The following VWCE variants were observed in gnomAD, a reference collection of about 807,000 sequenced individuals.
VWCE encodes the protein von Willebrand factor C and EGF domains, also known as von Willebrand factor C and EGF domain-containing protein.
Under a neutral mutation model 102.9 loss-of-function variants are expected in VWCE, and 68 were observed. The observed-to-expected ratio is 0.66, with a 90% CI of 0.54 to 0.81. The LOEUF (loss-of-function observed/expected upper bound fraction) is 0.81, where lower values mean the gene tolerates loss of function less well. Ranked by LOEUF, VWCE falls within the 30% of genes least tolerant of loss-of-function variation. VWCE has a pLI of 0.00. For synonymous variants in VWCE, 497 were observed against 515.4 expected (o/e 0.96, Z 0.48); for missense variants, 1,137 against 1,263.6 (o/e 0.90, Z 1.52).
chr11:61,259,689 G>A (rs1037456918), intron 19 of VWCE, among the ~76,000 whole-genome samples: 5 of 152,174 alleles, frequency 3.3e-5, no homozygotes, highest in Non-Finnish European at 7.3e-5. Context: ...TAGGATCACC[G>A]ATTATAACAA....
In VWCE at chr11:61,290,797, A is replaced by T. The variant is rs761083184; in HGVS notation, c.424+2T>A. Reference sequence around the variant, plus strand: ...CTCCCCCACCACTCCCAGGCGTCTCACCTGTACACCTGATGCCAACAGCTG... The same window carrying T: ...CTCCCCCACCACTCCCAGGCGTCTCTCCTGTACACCTGATGCCAACAGCTG... On this transcript the variant is annotated splice_donor_variant, in intron 4 of 19. Coordinates refer to ENST00000335613, the MANE Select transcript of VWCE (RefSeq NM_152718.2). LOFTEE classifies it high-confidence loss of function. 2 of 1,589,316 alleles carry T rather than the reference A, an allele frequency of 1.3e-6. No homozygotes were observed. The highest frequency in any genetic ancestry group is 3.5e-5 in the Admixed American group (2 of 56,912).
chr11:61,294,932 C>T lies in VWCE; in HGVS notation c.106G>A (p.Glu36Lys). 4.2e-6 allele frequency: 6 copies of T among 1,429,692 alleles called. No homozygotes were observed. The highest frequency in any genetic ancestry group is 4.1e-5 in the South Asian group (3 of 72,588). 88.6% of individuals were successfully genotyped at this position (1,429,692 alleles called of 1,614,324 possible). A position where few individuals can be genotyped will look rare whatever the true frequency, so the allele number is the denominator to read the frequency against. ...GRKPPGHFAA[E>K]RRRLGPHVCL... ...GGAGGAGCTCCGGGCGCTTACCTCTCGGCCGCGAAGTGCCCGGGCGGCTTC... is the reference window on the plus strand; with the variant it reads ...GGAGGAGCTCCGGGCGCTTACCTCTTGGCCGCGAAGTGCCCGGGCGGCTTC... Residue 36 changes from glutamate to lysine, a missense_variant, in exon 1 of 20, where the codon GAG (glutamate) becomes AAG (lysine). Physicochemically the swap from Glu to Lys is moderately conservative, Grantham distance 56. This residue lies in a region of VWCE where 575 missense variants were observed against 625.9 expected (regional missense o/e 0.92). Transcript: ENST00000335613. This position sits in a 1 kb window ranked among gnomAD's most constrained non-coding sequence, Gnocchi z 6.3.
rs747777007 is a variant in VWCE at position 61,268,963 on chromosome 11, G to A, written c.1841C>T (p.Pro614Leu). The change falls in exon 15 of 20, where the codon CCG (proline) becomes CTG (leucine). Residue 614 changes from proline to leucine, a missense_variant. Transcript: ENST00000335613. ...GCAGCACTGTCCAGGGATCCGGATC[G>A]GGTGAGGGCAGGAGTCCACACAGTC... ...RTDCVDSCPH[P>L]IRIPGQCCPD... The A allele has an allele frequency of 1.1e-5, 18 of 1,614,136 alleles. No individual in the cohort carries two copies. The highest frequency in any genetic ancestry group is 1.7e-4 in the Middle Eastern group (1 of 6,060).
intron 14 of VWCE, among the ~76,000 whole-genome samples, chr11:61,270,437 T>C (rs920204014): frequency 6.6e-6 from 1 of 152,202 alleles, no homozygotes; most frequent in African/African-American, 2.4e-5. Flanking sequence ...TCGAAGCTCT[T>C]AAAGTAGAAA....
chr11:61,285,117 C>T (rs890780661), intron 5 of VWCE, among the ~76,000 whole-genome samples: 1 of 152,068 alleles, frequency 6.6e-6, no homozygotes, highest in Non-Finnish European at 1.5e-5. Flanking sequence ...GAATCAATGT[C>T]AGTGGTAGAA....
chr11:61,271,556 C>G (rs763415812), intron 14 of VWCE, 119 bp downstream of exon 14: 1 of 910,182 alleles, frequency 1.1e-6, no homozygotes, highest in Non-Finnish European at 1.7e-6. Context: ...CTTGACAGCA[C>G]CGGAGGGAGA....
At chr11:61,279,300 C>A (rs144808928) in intron 9 of VWCE, among the ~76,000 whole-genome samples, 161 of 152,062 alleles carry the variant, frequency 1.1e-3, no homozygotes, top group Non-Finnish European at 1.5e-3. Flanking sequence ...CCAGGCCCAG[C>A]GGCTCATGCC....
chr11:61,281,264 G>A, intron 7 of VWCE, 29 bp from the exon 8 acceptor site: 1 of 1,610,930 alleles, frequency 6.2e-7, no homozygotes, highest in East Asian at 2.2e-5. Context: ...GGTCTCTTGG[G>A]GTGGACAGCA....
chr11:61,280,575 A>C, intron 9 of VWCE, 49 bp downstream of exon 9: 1 of 1,586,142 alleles, frequency 6.3e-7, no homozygotes, highest in South Asian at 1.1e-5. Flanking sequence ...AGGAGGGTGC[A>C]GAGAAAGGAA....
rs538232012 is a variant in VWCE at position 61,281,907 on chromosome 11, G to A, written c.666C>T (p.Asn222=). The change falls in exon 7 of 20, where the codon AAC becomes AAT. Residue 222 remains asparagine (N), a synonymous_variant. Transcript: ENST00000335613. ...HGNRHSCVDV[N]ECRRPLERRV... ...GCCTCTCCAATGGCCTCCGACACTCGTTTACATCTGCGGGAGAGCCTCGCT... is the reference window on the plus strand; with the variant it reads ...GCCTCTCCAATGGCCTCCGACACTCATTTACATCTGCGGGAGAGCCTCGCT... The A allele has an allele frequency of 8.1e-6, 13 of 1,613,226 alleles. No individual in the cohort carries two copies. The South Asian group carries it at 1.4e-4, about 18-fold the overall frequency.
intron 13 of VWCE, among the ~76,000 whole-genome samples, chr11:61,272,286 A>C (rs1416072811): frequency 5.3e-5 from 8 of 152,130 alleles, no homozygotes; most frequent in Admixed American, 4.6e-4. Flanking sequence ...ACTTACATAC[A>C]CATACATATG....
chr11:61,260,656 C>A (rs1854327005), intron 19 of VWCE, among the ~76,000 whole-genome samples: 1 of 152,168 alleles, frequency 6.6e-6, no homozygotes, highest in African/African-American at 2.4e-5. Context: ...GCTGACCTTA[C>A]ACGTGTTCAG....
At chr11:61,280,584 A>G in intron 9 of VWCE, 40 bp downstream of exon 9, 1 of 1,600,540 alleles carries the variant, frequency 6.2e-7, no homozygotes, top group Non-Finnish European at 8.5e-7. Context: ...CAGAGAAAGG[A>G]AGAGGCAGGA....
intron 4 of VWCE, among the ~76,000 whole-genome samples, chr11:61,289,743 A>G (rs1855440957): frequency 6.6e-6 from 1 of 152,318 alleles, no homozygotes; most frequent in Non-Finnish European, 1.5e-5. Flanking sequence ...AGGGCAGGAA[A>G]AAAAACTTCA....
intron 19 of VWCE, among the ~76,000 whole-genome samples, chr11:61,261,602 C>T (rs1411555897): frequency 6.6e-6 from 1 of 150,734 alleles, no homozygotes; most frequent in Admixed American, 6.6e-5. Context: ...AAAAAATTAA[C>T]CAAGTGTTTA....
At chr11:61,269,303 C>G (rs531510529) in intron 14 of VWCE, 2 of 426,182 alleles carry the variant, frequency 4.7e-6, no homozygotes, top group Non-Finnish European at 8.7e-6. Context: ...CCGTCACCAC[C>G]ATCCAAATCC....
At position 61,258,493 on chromosome 11, in the gene VWCE, A is replaced by T; in HGVS notation, c.*182T>A. 1 of 568,720 alleles carries T rather than the reference A, an allele frequency of 1.8e-6. No homozygotes were observed. The highest frequency in any genetic ancestry group is 2.6e-6 in the Non-Finnish European group (1 of 382,602). 35.2% of individuals were successfully genotyped at this position (568,720 alleles called of 1,614,324 possible). A position where few individuals can be genotyped will look rare whatever the true frequency, so the allele number is the denominator to read the frequency against. On this transcript the variant is annotated 3_prime_UTR_variant, in exon 20 of 20. Transcript: ENST00000335613. Reference sequence around the variant, plus strand: ...ACGACTTCCTCCATTCTTACAGCACATTCCAAACACTTCTTGGGAACAAGG... The same window carrying T: ...ACGACTTCCTCCATTCTTACAGCACTTTCCAAACACTTCTTGGGAACAAGG...
At chr11:61,284,951 CAAAAAA>C in intron 5 of VWCE, among the ~76,000 whole-genome samples, 1 of 138,282 alleles carries the variant, frequency 7.2e-6, no homozygotes, top group South Asian at 2.3e-4. Context: ...TCCTCCATGT[CAAAAAA>C]AAAAAAGAAG....
chr11:61,267,275 CA>C (rs1854542003), intron 16 of VWCE, among the ~76,000 whole-genome samples, 186 bp downstream of exon 16: 1 of 151,866 alleles, frequency 6.6e-6, no homozygotes, highest in African/African-American at 2.4e-5. Flanking sequence ...CAAAAACAAA[CA>C]AAAAAAATTT....
Sources: allele counts gnomAD v4.1 joint callset (sites outside exome capture counted in the v4.1 genomes callset), GRCh38; gene constraint gnomAD v4.1.1; regional missense constraint gnomAD v4.1.1; non-coding constraint Gnocchi (gnomAD v3.1); transcripts MANE v1.5; gene names NCBI Gene and HGNC (gene_info 2026-07-23, HGNC 2026-07-21).